The following DENND5B variants were observed in gnomAD, a reference collection of about 807,000 sequenced individuals.
DENND5B encodes DENN domain containing 5B, also known as DENN domain-containing protein 5B.
DENND5B carries 34 observed loss-of-function variants against 140.6 expected under a neutral mutation model. The ratio of observed to expected loss-of-function variants is 0.24; its 90% CI spans 0.18 to 0.32. The LOEUF is 0.32. Ranked by LOEUF, DENND5B falls within the 10% of genes least tolerant of loss-of-function variation. DENND5B has a pLI of 1.00. For synonymous variants in DENND5B, 551 were observed against 562.1 expected (o/e 0.98, Z 0.28); for missense variants, 1,142 against 1,560.2 (o/e 0.73, Z 4.52).
intron 1 of DENND5B, among the ~76,000 whole-genome samples, chr12:31,586,369 G>C (rs1277934112): frequency 2.0e-5 from 3 of 152,096 alleles, no homozygotes; most frequent in Non-Finnish European, 4.4e-5. Context: ...AGTACCTCTT[G>C]AAAATATACA....
chr12:31,438,655 G>C (rs1943888684), intron 7 of DENND5B, among the ~76,000 whole-genome samples: 1 of 152,124 alleles, frequency 6.6e-6, no homozygotes, highest in Admixed American at 6.6e-5. Context: ...GATCTTTAAA[G>C]GGGAAGAATA....
At chr12:31,562,081 T>G (rs933938520) in intron 1 of DENND5B, among the ~76,000 whole-genome samples, 18 of 152,232 alleles carry the variant, frequency 1.2e-4, no homozygotes, top group African/African-American at 4.3e-4. Flanking sequence ...CATTATAAAT[T>G]AAATACTTCC....
chr12:31,461,971 A>C (rs1043601051), intron 3 of DENND5B, among the ~76,000 whole-genome samples: 4 of 152,204 alleles, frequency 2.6e-5, no homozygotes, highest in African/African-American at 7.2e-5. Flanking sequence ...GTCATTTTAT[A>C]ATTTTAAATG....
At chr12:31,490,856 CCTT>C (rs1292243000) in intron 2 of DENND5B, among the ~76,000 whole-genome samples, 1 of 152,140 alleles carries the variant, frequency 6.6e-6, no homozygotes, top group Non-Finnish European at 1.5e-5. Flanking sequence ...TCCACTATAT[CCTT>C]CTTTGTAATC....
intron 1 of DENND5B, among the ~76,000 whole-genome samples, chr12:31,532,477 G>A (rs1365596911): frequency 1.3e-5 from 2 of 152,024 alleles, no homozygotes; most frequent in Non-Finnish European, 2.9e-5. Context: ...AGGCAGGGAG[G>A]GGGAAAAATT....
chr12:31,587,151 C>T (rs888029557), intron 1 of DENND5B, among the ~76,000 whole-genome samples: 1 of 152,248 alleles, frequency 6.6e-6, no homozygotes, highest in South Asian at 2.1e-4. Flanking sequence ...CTATACTCAA[C>T]CCTTAAGTAA....
chr12:31,509,218 A>T (rs1336531700), intron 1 of DENND5B, among the ~76,000 whole-genome samples: 1 of 152,098 alleles, frequency 6.6e-6, no homozygotes, highest in Admixed American at 6.5e-5. Context: ...CTCAACATCA[A>T]CGTTTACACA....
intron 19 of DENND5B, among the ~76,000 whole-genome samples, chr12:31,389,946 T>G (rs921669189): frequency 5.3e-5 from 8 of 151,682 alleles, no homozygotes; most frequent in African/African-American, 1.7e-4. Context: ...CAAAGAGAGA[T>G]ATATGTATAT....
At chr12:31,490,852 A>G (rs1020300739) in intron 2 of DENND5B, among the ~76,000 whole-genome samples, 1 of 152,150 alleles carries the variant, frequency 6.6e-6, no homozygotes, top group African/African-American at 2.4e-5. Flanking sequence ...TCATTCCACT[A>G]TATCCTTCTT....
intron 11 of DENND5B, among the ~76,000 whole-genome samples, chr12:31,417,221 G>A (rs1266702237): frequency 2.0e-5 from 3 of 151,422 alleles, no homozygotes; most frequent in Non-Finnish European, 4.4e-5. Context: ...GCTGGGCGTG[G>A]TGGTGGGCGC....
At chr12:31,453,837 A>C (rs1944649951) in intron 4 of DENND5B, among the ~76,000 whole-genome samples, 1 of 152,034 alleles carries the variant, frequency 6.6e-6, no homozygotes, top group Non-Finnish European at 1.5e-5. Context: ...CTCTAAATTA[A>C]GCTCAATAAA....
chr12:31,500,352 A>G (rs1463776267), intron 1 of DENND5B: 2 of 453,698 alleles, frequency 4.4e-6, no homozygotes, highest in Non-Finnish European at 8.8e-6. Flanking sequence ...CAACCTAAAA[A>G]GTATGACAGT....
intron 2 of DENND5B, among the ~76,000 whole-genome samples, chr12:31,495,389 C>CTTTTTTTCTTT (rs149645342): frequency 7.3e-6 from 1 of 136,206 alleles, no homozygotes; most frequent in Non-Finnish European, 1.5e-5. Context: ...CTTTTTTTTT[C>CTTTTTTTCTTT]TTTTTTTGAG....
At chr12:31,421,131 T>C (rs988036224) in intron 11 of DENND5B, among the ~76,000 whole-genome samples, 2 of 152,084 alleles carry the variant, frequency 1.3e-5, no homozygotes, top group Non-Finnish European at 2.9e-5. Context: ...GCAACCTCCA[T>C]CTTCCAGGTT....
At chr12:31,404,562 T>C (rs1942008596) in intron 14 of DENND5B, among the ~76,000 whole-genome samples, 1 of 152,048 alleles carries the variant, frequency 6.6e-6, no homozygotes, top group African/African-American at 2.4e-5. Flanking sequence ...CAAGTGATTC[T>C]CCAGCCTCGG....
At chr12:31,509,075 CAA>C (rs1307185264) in intron 1 of DENND5B, among the ~76,000 whole-genome samples, 2 of 152,074 alleles carry the variant, frequency 1.3e-5, no homozygotes, top group African/African-American at 2.4e-5. Flanking sequence ...ATGGGAAAAA[CAA>C]AGTCTTCCTT....
At chr12:31,558,892 C>G (rs1949384519) in intron 1 of DENND5B, among the ~76,000 whole-genome samples, 1 of 152,156 alleles carries the variant, frequency 6.6e-6, no homozygotes, top group Admixed American at 6.5e-5. Context: ...ATTTCATCTC[C>G]TCTCTAGGAA....
At position 31,581,883 on chromosome 12, in the gene DENND5B, T is replaced by C. The variant is rs578159419; in HGVS notation, c.127+8823A>G. 3.5e-4 allele frequency among the ~76,000 whole-genome samples: 53 copies of C among 152,248 alleles called. 2 individuals carry two copies. The South Asian group carries it at 0.011, about 30-fold the overall frequency. ...CTCAAGCCCCTTACATAAAATCGTG[T>C]AGTACGTACAGATAACATACGCACA... On this transcript the variant is annotated intron_variant, in intron 1 of 20. Coordinates refer to ENST00000389082, the MANE Select transcript of DENND5B (RefSeq NM_144973.4).
intron 6 of DENND5B, among the ~76,000 whole-genome samples, chr12:31,446,720 C>T (rs1338449137): frequency 6.7e-6 from 1 of 150,348 alleles, no homozygotes; most frequent in East Asian, 2.0e-4. Context: ...ACAGTGAAAC[C>T]CCGTCTCTAC....
Sources: gnomAD v4.1 joint callset for allele counts (sites outside exome capture counted in the v4.1 genomes callset) on GRCh38, gnomAD v4.1.1 for gene constraint, MANE v1.5 for transcripts, NCBI Gene and HGNC (gene_info 2026-07-23, HGNC 2026-07-21) for gene names.